The following PTPN14 variants were observed in gnomAD, a reference collection of about 807,000 sequenced individuals.
PTPN14 encodes the protein protein tyrosine phosphatase non-receptor type 14, also known as tyrosine-protein phosphatase non-receptor type 14.
PTPN14 carries 53 observed loss-of-function variants against 126.8 expected under a neutral mutation model. The observed-to-expected ratio is 0.42, with a 90% CI of 0.34 to 0.53. The LOEUF is 0.53. Among genes scored for constraint, PTPN14 ranks in the 20% least tolerant of loss-of-function variants. PTPN14 has a pLI of 0.08. For missense variants in PTPN14, 1,257 were observed against 1,552.9 expected (o/e 0.81, Z 3.20); for synonymous variants, 630 against 599.3 (o/e 1.05, Z -0.75).
chr1:214,487,805 G>A (rs529538835), intron 1 of PTPN14, among the ~76,000 whole-genome samples: 1 of 152,324 alleles, frequency 6.6e-6, no homozygotes, highest in Non-Finnish European at 1.5e-5. Context: ...GGGTTGTAAG[G>A]CCCCTTCTCT....
At chr1:214,395,444 C>A (rs74982807) in intron 8 of PTPN14, among the ~76,000 whole-genome samples, 1 of 152,022 alleles carries the variant, frequency 6.6e-6, no homozygotes, top group East Asian at 1.9e-4. Context: ...TAAGAAAAAA[C>A]GCCTGTTGAA....
At chr1:214,363,205 T>C (rs1353252727) in intron 18 of PTPN14, among the ~76,000 whole-genome samples, 1 of 152,252 alleles carries the variant, frequency 6.6e-6, no homozygotes, top group African/African-American at 2.4e-5. Flanking sequence ...TTTTCTAACA[T>C]TGGGCTACAG....
At chr1:214,475,966 A>G (rs1344175351) in intron 1 of PTPN14, among the ~76,000 whole-genome samples, 1 of 152,174 alleles carries the variant, frequency 6.6e-6, no homozygotes, top group Non-Finnish European at 1.5e-5. Context: ...TAACAATGAC[A>G]ATAGCAAGCA....
At chr1:214,428,319 T>C (rs1479140550) in intron 3 of PTPN14, among the ~76,000 whole-genome samples, 2 of 152,218 alleles carry the variant, frequency 1.3e-5, no homozygotes, top group Non-Finnish European at 2.9e-5. Flanking sequence ...ACCTTTCAGA[T>C]AAAGACTTCT....
At chr1:214,423,556 C>T (rs745873960) in intron 3 of PTPN14, among the ~76,000 whole-genome samples, 3 of 152,142 alleles carry the variant, frequency 2.0e-5, no homozygotes, top group Non-Finnish European at 2.9e-5. Flanking sequence ...TGTTTACTGG[C>T]CAGTCTAAAT....
At chr1:214,492,873 G>A (rs559592660) in intron 1 of PTPN14, among the ~76,000 whole-genome samples, 14 of 151,192 alleles carry the variant, frequency 9.3e-5, no homozygotes, top group East Asian at 3.9e-4. Context: ...ATTCCAGCCC[G>A]GGCAAGAGAA....
intron 18 of PTPN14, among the ~76,000 whole-genome samples, chr1:214,363,069 G>C (rs1320302733): frequency 6.6e-6 from 1 of 152,186 alleles, no homozygotes; most frequent in Non-Finnish European, 1.5e-5. Context: ...GATGGGAATA[G>C]AGAGGCAAAC....
At chr1:214,435,626 G>C (rs917173900) in intron 3 of PTPN14, among the ~76,000 whole-genome samples, 1 of 152,052 alleles carries the variant, frequency 6.6e-6, no homozygotes, top group Non-Finnish European at 1.5e-5. Context: ...ACATATATGT[G>C]GCCAACAAGC....
At chr1:214,465,794 T>A (rs1010794379) in intron 1 of PTPN14, among the ~76,000 whole-genome samples, 1 of 152,006 alleles carries the variant, frequency 6.6e-6, no homozygotes, top group Non-Finnish European at 1.5e-5. Flanking sequence ...CCTCACTGAA[T>A]TTAAAATTTG....
intron 15 of PTPN14, 50 bp from the exon 16 acceptor site, chr1:214,372,889 T>A (rs772962170): frequency 6.3e-7 from 1 of 1,599,266 alleles, no homozygotes; most frequent in South Asian, 1.1e-5. Flanking sequence ...CCGGACAACA[T>A]TACCTGCTGA....
At chr1:214,452,895 G>A (rs1660302460) in intron 2 of PTPN14, among the ~76,000 whole-genome samples, 1 of 152,134 alleles carries the variant, frequency 6.6e-6, no homozygotes, top group Non-Finnish European at 1.5e-5. Context: ...GCCTTCAAAA[G>A]AATGTTTTCA....
At chr1:214,447,640 C>G (rs1198080446) in intron 3 of PTPN14, among the ~76,000 whole-genome samples, 1 of 152,060 alleles carries the variant, frequency 6.6e-6, no homozygotes, top group African/African-American at 2.4e-5. Flanking sequence ...CACCCCTTGG[C>G]ACATTCCAGT....
At chr1:214,465,697 T>C (rs1660618794) in intron 1 of PTPN14, among the ~76,000 whole-genome samples, 1 of 152,094 alleles carries the variant, frequency 6.6e-6, no homozygotes, top group African/African-American at 2.4e-5. Flanking sequence ...TTTAAATTTC[T>C]AAATATATTG....
intron 1 of PTPN14, among the ~76,000 whole-genome samples, chr1:214,505,516 G>A (rs1654819316): frequency 6.6e-6 from 1 of 152,228 alleles, no homozygotes; most frequent in Admixed American, 6.5e-5. Context: ...AAGGAGCTGA[G>A]GACGGAATGG....
chr1:214,503,942 A>G (rs1022244643), intron 1 of PTPN14, among the ~76,000 whole-genome samples: 5 of 152,160 alleles, frequency 3.3e-5, no homozygotes, highest in African/African-American at 9.7e-5. Context: ...GACTCTCATC[A>G]TTTTGTACAT....
At chr1:214,411,146 G>T (rs1659300573) in intron 5 of PTPN14, among the ~76,000 whole-genome samples, 1 of 151,884 alleles carries the variant, frequency 6.6e-6, no homozygotes, top group Non-Finnish European at 1.5e-5. Flanking sequence ...CCAGCATACA[G>T]AATTTTCACC....
chr1:214,499,581 CAT>C (rs755106190), intron 1 of PTPN14, among the ~76,000 whole-genome samples: 14 of 152,118 alleles, frequency 9.2e-5, no homozygotes, highest in Non-Finnish European at 1.3e-4. Context: ...CAAAAACAAA[CAT>C]AATTTAATTT....
chr1:214,433,286 T>C (rs773383938), intron 3 of PTPN14, among the ~76,000 whole-genome samples: 1 of 127,148 alleles, frequency 7.9e-6, no homozygotes, highest in Non-Finnish European at 1.9e-5. Flanking sequence ...AGACAACAAT[T>C]TGACTCCAAG....
intron 17 of PTPN14, among the ~76,000 whole-genome samples, chr1:214,366,813 C>CT (rs1322993953): frequency 2.4e-4 from 37 of 151,970 alleles, no homozygotes; most frequent in Non-Finnish European, 4.0e-4. Context: ...GAGACCCCGT[C>CT]TCTACTAAAA....
Sources: allele counts gnomAD v4.1 joint callset (sites outside exome capture counted in the v4.1 genomes callset), GRCh38; gene constraint gnomAD v4.1.1; transcripts MANE v1.5; gene names NCBI Gene and HGNC (gene_info 2026-07-23, HGNC 2026-07-21).